The following L3MBTL3 variants were observed in gnomAD, a reference collection of about 807,000 sequenced individuals.
L3MBTL3 encodes lethal(3)malignant brain tumor-like protein 3.
L3MBTL3 carries 27 observed loss-of-function variants against 102.3 expected under a neutral mutation model. That is an observed-to-expected ratio of 0.26 (90% confidence interval 0.19 to 0.36). The LOEUF is 0.36. Among genes scored for constraint, L3MBTL3 ranks in the 10% least tolerant of loss-of-function variants. The probability of loss-of-function intolerance (pLI) is 1.00; values close to 1 mark genes in which losing one functional copy is unlikely to be tolerated. For synonymous variants in L3MBTL3, 340 were observed against 320.9 expected, an observed-to-expected ratio of 1.06 and a Z score of -0.64; for missense variants, 798 against 955.3, an observed-to-expected ratio of 0.84 and a Z score of 2.17.
At chr6:130,033,344 A>C (rs1779848921) in intron 2 of L3MBTL3, among the ~76,000 whole-genome samples, 1 of 151,956 alleles carries the variant, frequency 6.6e-6, no homozygotes. Context: ...CAAGTTTGAC[A>C]GTTAACGGTT....
chr6:130,019,631 GCACGCACACA>G (rs1778812438), intron 1 of L3MBTL3, among the ~76,000 whole-genome samples: 1 of 150,922 alleles, frequency 6.6e-6, no homozygotes, highest in South Asian at 2.1e-4. Context: ...ACACTCACAC[GCACGCACACA>G]CACGGACCCG....
chr6:130,084,749 A>C (rs1783573378), intron 15 of L3MBTL3, among the ~76,000 whole-genome samples: 1 of 152,226 alleles, frequency 6.6e-6, no homozygotes. Context: ...GAGAGAAAAC[A>C]GATTTCTCTA....
Position 130,078,069 on chromosome 6 carries a change from T to G in L3MBTL3, c.1245-489T>G, listed in dbSNP as rs531254914. The stretch of plus-strand genomic sequence containing the variant: ...GAAGAAAGAGGTAAAGAAAAGAGAG[T>G]AATAGTTTGTCTTAATACCTGGTCT... On this transcript the variant is annotated intron_variant, in intron 13 of 22. Coordinates refer to ENST00000361794, the MANE Select transcript of L3MBTL3 (RefSeq NM_032438.4). 1.1e-4 allele frequency among the ~76,000 whole-genome samples: 16 copies of G among 151,794 alleles called. No individual in the cohort carries two copies. The East Asian group carries it at 3.1e-3, about 29-fold the overall frequency.
intron 6 of L3MBTL3, among the ~76,000 whole-genome samples, 194 bp from the exon 7 acceptor site, chr6:130,052,665 A>G (rs981419186): frequency 6.6e-6 from 1 of 152,234 alleles, no homozygotes; most frequent in African/African-American, 2.4e-5. Flanking sequence ...CCTGACAGAC[A>G]GATGTCATAT....
intron 12 of L3MBTL3, among the ~76,000 whole-genome samples, chr6:130,070,459 G>A (rs1782553953): frequency 1.3e-5 from 2 of 152,144 alleles, no homozygotes; most frequent in African/African-American, 4.8e-5. Flanking sequence ...ATAATTTGCA[G>A]CCTTTCATAT....
intron 20 of L3MBTL3, among the ~76,000 whole-genome samples, chr6:130,131,792 C>T (rs1301567814): frequency 6.6e-6 from 1 of 152,154 alleles, no homozygotes; most frequent in Non-Finnish European, 1.5e-5. Context: ...ACTGTCCTGG[C>T]GCTGGTGAGA....
At chr6:130,137,583 C>G (rs1009477288) in intron 22 of L3MBTL3, 1 of 151,622 alleles carries the variant, frequency 6.6e-6, no homozygotes, top group Non-Finnish European at 1.5e-5. Flanking sequence ...CCACTTTTAA[C>G]TTCAAATCCC....
In L3MBTL3 at chr6:130,066,350, C is replaced by T. The variant is rs778245479; in HGVS notation, c.865-3C>T. On this transcript the variant is annotated splice_region_variant and splice_polypyrimidine_tract_variant and intron_variant, in intron 10 of 22. Transcript: ENST00000361794. Reference sequence around the variant, plus strand: ...ATAATTCAACCTATTTTACCTGTTTCAGGTTTGTGGATACCGGATAAAGCT... The same window carrying T: ...ATAATTCAACCTATTTTACCTGTTTTAGGTTTGTGGATACCGGATAAAGCT... 1.9e-6 allele frequency: 3 copies of T among 1,555,946 alleles called. No homozygotes were observed. The highest frequency in any genetic ancestry group is 1.7e-6 in the Non-Finnish European group (2 of 1,151,682).
intron 7 of L3MBTL3, among the ~76,000 whole-genome samples, chr6:130,053,919 C>G (rs1432343845): frequency 6.6e-6 from 1 of 152,174 alleles, no homozygotes; most frequent in African/African-American, 2.4e-5. Flanking sequence ...CTGGCAGAGA[C>G]ACTGCATTCT....
chr6:130,044,883 T>C (rs1780631028), intron 3 of L3MBTL3, among the ~76,000 whole-genome samples: 1 of 152,198 alleles, frequency 6.6e-6, no homozygotes, highest in South Asian at 2.1e-4. Context: ...GAATGAATCA[T>C]GAAATTTTCT....
intron 14 of L3MBTL3, among the ~76,000 whole-genome samples, chr6:130,079,854 C>T (rs1299760021): frequency 6.6e-6 from 1 of 152,202 alleles, no homozygotes; most frequent in Non-Finnish European, 1.5e-5. Context: ...GTCCTATCCA[C>T]TCCCTGAGTT....
rs546522971 is a variant in L3MBTL3, at chr6:130,102,896, A to G, written c.1737-1530A>G. ...ATGAAGTTATCTAATTTATGTGTAT[A>G]ATTGTGTACTGCCGATCTCCCCCTG... is the stretch of plus-strand genomic sequence containing the variant. On this transcript the variant is annotated intron_variant, in intron 18 of 22. Transcript: ENST00000361794. Among the ~76,000 whole-genome samples the G allele has an allele frequency of 3.9e-5, 6 of 152,298 alleles. No individual in the cohort carries two copies. The South Asian group carries it at 1.0e-3, about 26-fold the overall frequency.
intron 11 of L3MBTL3, among the ~76,000 whole-genome samples, chr6:130,066,739 C>A (rs1436041144): frequency 1.3e-5 from 2 of 152,146 alleles, no homozygotes; most frequent in East Asian, 3.8e-4. Context: ...ACTTTGACTA[C>A]AAATAATGTT....
intron 20 of L3MBTL3, among the ~76,000 whole-genome samples, chr6:130,122,713 C>T (rs1160397793): frequency 6.6e-6 from 1 of 152,166 alleles, no homozygotes; most frequent in Non-Finnish European, 1.5e-5. Context: ...AAGCTTTGGC[C>T]TTTCTTTGTG....
intron 10 of L3MBTL3, among the ~76,000 whole-genome samples, chr6:130,063,615 A>T (rs1466711704): frequency 6.6e-6 from 1 of 152,102 alleles, no homozygotes; most frequent in Non-Finnish European, 1.5e-5. Context: ...GTTTAAAGAC[A>T]CCTCATTTAA....
intron 14 of L3MBTL3, 102 bp from the exon 15 acceptor site, chr6:130,083,518 T>A: frequency 1.8e-6 from 1 of 565,350 alleles, no homozygotes; most frequent in East Asian, 3.6e-5. Context: ...TATATGAACA[T>A]AATTTTCTAG....
Position 130,133,740 on chromosome 6 carries a change from G to T in L3MBTL3, c.2137-103G>T. 2.7e-6 allele frequency: 4 copies of T among 1,470,586 alleles called. No individual in the cohort carries two copies. In the South Asian group the frequency reaches 4.7e-5, roughly 17 times the overall value. The allele number at this position is 1,470,586 out of a possible 1,614,324, so 91.1% of individuals were successfully genotyped here. On this transcript the variant is annotated intron_variant, in intron 21 of 22. Coordinates refer to ENST00000361794, the MANE Select transcript of L3MBTL3 (RefSeq NM_032438.4). The surrounding 1 kb of genome is among the most constrained non-coding windows in gnomAD (Gnocchi z 4.9). The stretch of plus-strand genomic sequence containing the variant: ...TTTTTCTGAAAGAGAAGAAATTATT[G>T]TGAGAGAAATAACTAATGCATATGG...
chr6:130,130,393 C>A (rs946291519), intron 20 of L3MBTL3, among the ~76,000 whole-genome samples: 1 of 152,152 alleles, frequency 6.6e-6, no homozygotes, highest in East Asian at 1.9e-4. Flanking sequence ...GGCATGCACT[C>A]AGGATACAAA....
rs1387297851 is a variant in L3MBTL3, at chr6:130,060,152, C to T, written c.864+12C>T. The T allele has an allele frequency of 2.0e-6, 3 of 1,474,674 alleles. No homozygotes were observed. The highest frequency in any genetic ancestry group is 1.4e-5 in the African/African-American group (1 of 71,158). The allele number at this position is 1,474,674 out of a possible 1,614,324, so 91.3% of individuals were successfully genotyped here. A position where few individuals can be genotyped will look rare whatever the true frequency, so the allele number is the denominator to read the frequency against. ...TCACCGTCGCGGAGGTAAGCTTTGC[C>T]TCGTCCTTTATTTTTAAAATAAAAT... On this transcript the variant is annotated intron_variant, in intron 10 of 22. Coordinates refer to ENST00000361794, the MANE Select transcript of L3MBTL3 (RefSeq NM_032438.4).
Sources: allele counts gnomAD v4.1 joint callset (sites outside exome capture counted in the v4.1 genomes callset), GRCh38; gene constraint gnomAD v4.1.1; non-coding constraint Gnocchi (gnomAD v3.1); transcripts MANE v1.5; gene names NCBI Gene and HGNC (gene_info 2026-07-23, HGNC 2026-07-21).